The following TBC1D22A variants were observed in gnomAD, a reference collection of about 807,000 sequenced individuals.
The protein encoded by TBC1D22A is putative GTPase activator.
Under a neutral mutation model 60.2 loss-of-function variants are expected in TBC1D22A, and 38 were observed. The ratio of observed to expected loss-of-function variants is 0.63; its 90% confidence interval spans 0.49 to 0.83. The LOEUF is 0.83. Among genes scored for constraint, TBC1D22A ranks in the 40% least tolerant of loss-of-function variants. The pLI is 0.00. For missense variants in TBC1D22A, 628 were observed against 701.0 expected, an observed-to-expected ratio of 0.90 and a Z score of 1.18; for synonymous variants, 302 against 281.7, an observed-to-expected ratio of 1.07 and a Z score of -0.72.
intron 4 of TBC1D22A, among the ~76,000 whole-genome samples, chr22:46,851,324 C>T (rs2087267073): frequency 1.3e-5 from 2 of 152,216 alleles, no homozygotes; most frequent in South Asian, 4.1e-4. Flanking sequence ...CCTGACATCA[C>T]CTCCAGGGTT....
At chr22:46,772,102 T>G (rs13055997) in intron 1 of TBC1D22A, among the ~76,000 whole-genome samples, 2 of 102,468 alleles carry the variant, frequency 2.0e-5, no homozygotes, top group Non-Finnish European at 3.9e-5. Flanking sequence ...TACACACATA[T>G]ACATATATAT....
intron 12 of TBC1D22A, among the ~76,000 whole-genome samples, chr22:47,150,532 A>C (rs1391378390): frequency 6.6e-6 from 1 of 152,140 alleles, no homozygotes; most frequent in East Asian, 1.9e-4. Flanking sequence ...GCTGGGTGGC[A>C]CCGGAGTCCC....
chr22:47,051,918 G>A (rs757683627), intron 11 of TBC1D22A, among the ~76,000 whole-genome samples: 6 of 152,254 alleles, frequency 3.9e-5, no homozygotes, highest in African/African-American at 1.2e-4. Flanking sequence ...GTCACTGTGC[G>A]GAGGTGAACA....
chr22:47,121,994 C>A (rs1357934377), intron 12 of TBC1D22A, among the ~76,000 whole-genome samples: 3 of 152,248 alleles, frequency 2.0e-5, no homozygotes, highest in Admixed American at 1.3e-4. Flanking sequence ...CCTCAGATGT[C>A]CCCTCAGCTC....
chr22:47,077,626 A>T (rs1394142505), intron 11 of TBC1D22A, among the ~76,000 whole-genome samples: 3 of 152,158 alleles, frequency 2.0e-5, no homozygotes, highest in Non-Finnish European at 4.4e-5. Context: ...TGTTGTAAGG[A>T]GCCCAGCAAT....
At chr22:47,086,440 A>G (rs1335426032) in intron 11 of TBC1D22A, among the ~76,000 whole-genome samples, 2 of 152,110 alleles carry the variant, frequency 1.3e-5, no homozygotes, top group Non-Finnish European at 2.9e-5. Context: ...GGGCGACAAG[A>G]GTGAAACCCC....
intron 10 of TBC1D22A, among the ~76,000 whole-genome samples, chr22:47,034,023 C>G (rs2062574242): frequency 6.6e-6 from 1 of 152,258 alleles, no homozygotes; most frequent in Admixed American, 6.5e-5. Context: ...GGGCTTCAGC[C>G]TCAGGGGCCC....
At chr22:46,938,072 T>C (rs1749534544) in intron 8 of TBC1D22A, among the ~76,000 whole-genome samples, 1 of 152,208 alleles carries the variant, frequency 6.6e-6, no homozygotes, top group Non-Finnish European at 1.5e-5. Flanking sequence ...AAGTGCACAG[T>C]GCTCGTGAAG....
intron 11 of TBC1D22A, among the ~76,000 whole-genome samples, chr22:47,061,237 C>T (rs1301392456): frequency 3.3e-5 from 5 of 152,154 alleles, no homozygotes; most frequent in Non-Finnish European, 4.4e-5. Context: ...CGTTAAGCCA[C>T]GCTGTCTTCC....
chr22:46,908,315 C>T (rs988104698), intron 7 of TBC1D22A, among the ~76,000 whole-genome samples: 2 of 152,096 alleles, frequency 1.3e-5, no homozygotes, highest in African/African-American at 4.8e-5. Context: ...CCGCAGGTCT[C>T]CCTGGGATTC....
chr22:47,152,668 T>C (rs2067549713), intron 12 of TBC1D22A, among the ~76,000 whole-genome samples: 1 of 152,230 alleles, frequency 6.6e-6, no homozygotes, highest in Admixed American at 6.5e-5. Context: ...ATTTACTGAG[T>C]GTGCTTGGCC....
At chr22:46,849,621 G>A (rs186195209) in intron 4 of TBC1D22A, among the ~76,000 whole-genome samples, 228 of 152,250 alleles carry the variant, frequency 1.5e-3, no homozygotes, top group African/African-American at 5.3e-3. Context: ...GCAGGCAAAG[G>A]GACACCTGGA....
At chr22:47,085,469 T>C (rs1338164363) in intron 11 of TBC1D22A, among the ~76,000 whole-genome samples, 1 of 152,174 alleles carries the variant, frequency 6.6e-6, no homozygotes, top group Non-Finnish European at 1.5e-5. Context: ...GCTTGAATTT[T>C]CCATCTTAGC....
At chr22:47,000,760 G>T (rs1042885152) in intron 10 of TBC1D22A, among the ~76,000 whole-genome samples, 1 of 151,786 alleles carries the variant, frequency 6.6e-6, no homozygotes, top group Non-Finnish European at 1.5e-5. Flanking sequence ...AGTCGTGGCA[G>T]GCTAGATAAT....
intron 10 of TBC1D22A, among the ~76,000 whole-genome samples, chr22:47,003,149 A>G (rs2061451375): frequency 6.6e-6 from 1 of 152,176 alleles, no homozygotes; most frequent in Non-Finnish European, 1.5e-5. Flanking sequence ...TCATATAAAC[A>G]GTGAACAATT....
At chr22:46,790,709 C>T (rs1468851658) in intron 1 of TBC1D22A, among the ~76,000 whole-genome samples, 1 of 152,096 alleles carries the variant, frequency 6.6e-6, no homozygotes. Context: ...ACACGGAGAC[C>T]ACTGTTCTCT....
intron 11 of TBC1D22A, among the ~76,000 whole-genome samples, chr22:47,083,584 G>T (rs927954886): frequency 6.6e-6 from 1 of 152,160 alleles, no homozygotes; most frequent in Non-Finnish European, 1.5e-5. Context: ...GTGAGGCTGC[G>T]TTGGGAGCAA....
chr22:47,147,594 C>T (rs2067332553), intron 12 of TBC1D22A, among the ~76,000 whole-genome samples: 1 of 152,234 alleles, frequency 6.6e-6, no homozygotes, highest in Non-Finnish European at 1.5e-5. Flanking sequence ...CTGCTGTTTC[C>T]ATCCGGGCTG....
At chr22:47,005,654 C>A (rs201585617) in intron 10 of TBC1D22A, among the ~76,000 whole-genome samples, 45 of 148,526 alleles carry the variant, frequency 3.0e-4, no homozygotes, top group African/African-American at 9.7e-4. Context: ...ACACACACAC[C>A]CACACACACA....
Sources: allele counts gnomAD v4.1 joint callset (sites outside exome capture counted in the v4.1 genomes callset), GRCh38; gene constraint gnomAD v4.1.1; transcripts MANE v1.5; gene names NCBI Gene and HGNC (gene_info 2026-07-23, HGNC 2026-07-21).